Variants in PIK3R3 observed in about 807,000 individuals in gnomAD.
The protein encoded by PIK3R3 is phosphoinositide-3-kinase regulatory subunit 3.
In PIK3R3, 64 loss-of-function variants were observed where a neutral mutation model predicts 62.9. The observed-to-expected ratio is 1.02, with a 90% CI of 0.83 to 1.25. The LOEUF (loss-of-function observed/expected upper bound fraction) is 1.25. Ranked by LOEUF, PIK3R3 falls within the 50% of genes most tolerant of loss-of-function variation. The pLI is 0.00. For synonymous variants in PIK3R3, 165 were observed against 189.0 expected (o/e 0.87, Z 1.04); for missense variants, 614 against 561.6 (o/e 1.09, Z -0.94).
At chr1:46,169,524 G>A in the PIK3R3 span, among the ~76,000 whole-genome samples, 1 of 152,174 alleles carries the variant, frequency 6.6e-6, no homozygotes, top group Admixed American at 6.5e-5. Context: ...AATCCTAAAA[G>A]CTGCACTTAA....
chr1:46,073,897 G>A (rs1649783221), intron 3 of PIK3R3, among the ~76,000 whole-genome samples: 1 of 148,774 alleles, frequency 6.7e-6, no homozygotes, highest in South Asian at 2.2e-4. Flanking sequence ...GCCTCCCAAA[G>A]TGCTGGGATT....
the PIK3R3 span, among the ~76,000 whole-genome samples, chr1:46,140,881 G>A: frequency 1.3e-5 from 2 of 151,422 alleles, no homozygotes; most frequent in Non-Finnish European, 2.9e-5. Flanking sequence ...TTGTTTTTGA[G>A]ACAGAGTCTT....
chr1:46,132,814 T>A (rs1326038757), upstream of PIK3R3: 1 of 1,227,576 alleles, frequency 8.1e-7, no homozygotes, highest in Non-Finnish European at 1.0e-6. Context: ...GAGAACATGT[T>A]CAAAAAGCTG....
intron 1 of PIK3R3, among the ~76,000 whole-genome samples, chr1:46,089,298 G>A (rs1171564678): frequency 6.6e-6 from 1 of 152,082 alleles, no homozygotes; most frequent in Non-Finnish European, 1.5e-5. Context: ...AGTTTAGAGG[G>A]TATGTTTAAG....
chr1:46,073,174 G>C (rs1406776414), intron 3 of PIK3R3, among the ~76,000 whole-genome samples: 1 of 152,112 alleles, frequency 6.6e-6, no homozygotes, highest in East Asian at 1.9e-4. Flanking sequence ...AGGTCTACAT[G>C]AGTCAGACTA....
chr1:46,167,065 C>T, the PIK3R3 span, among the ~76,000 whole-genome samples: 1 of 152,260 alleles, frequency 6.6e-6, no homozygotes, highest in Non-Finnish European at 1.5e-5. Flanking sequence ...CTACCTGCTT[C>T]GCTCCCACCC....
chr1:46,173,447 C>A, the PIK3R3 span, among the ~76,000 whole-genome samples: 7 of 152,176 alleles, frequency 4.6e-5, no homozygotes, highest in Non-Finnish European at 7.3e-5. Context: ...TTGACTGACA[C>A]AGAGTTGCAG....
chr1:46,105,614 G>A (rs1215620088), intron 1 of PIK3R3, among the ~76,000 whole-genome samples: 1 of 151,998 alleles, frequency 6.6e-6, no homozygotes. Flanking sequence ...TCAGAAGTTC[G>A]AGACCAGTCT....
chr1:46,147,931 A>C, the PIK3R3 span, among the ~76,000 whole-genome samples: 2 of 152,238 alleles, frequency 1.3e-5, no homozygotes, highest in Non-Finnish European at 2.9e-5. Context: ...GGGAGTAAGA[A>C]AATTGACTTC....
chr1:46,049,957 T>C (rs951624504), intron 7 of PIK3R3, among the ~76,000 whole-genome samples: 1 of 151,634 alleles, frequency 6.6e-6, no homozygotes, highest in African/African-American at 2.4e-5. Context: ...CCGTTCCTAC[T>C]AAAAATACAA....
chr1:46,136,242 A>T (rs904756411), upstream of PIK3R3, among the ~76,000 whole-genome samples: 1 of 152,154 alleles, frequency 6.6e-6, no homozygotes, highest in African/African-American at 2.4e-5. Flanking sequence ...TTTAACAAAT[A>T]TGACTCCCAG....
At chr1:46,074,606 G>T (rs12094872) in intron 3 of PIK3R3, among the ~76,000 whole-genome samples, 2 of 150,988 alleles carry the variant, frequency 1.3e-5, no homozygotes, top group Non-Finnish European at 2.9e-5. Context: ...CAGCTGCCTA[G>T]AGGAAGGCCA....
chr1:46,087,203 C>A (rs928964595), intron 1 of PIK3R3, among the ~76,000 whole-genome samples: 2 of 151,736 alleles, frequency 1.3e-5, no homozygotes, highest in Non-Finnish European at 2.9e-5. Flanking sequence ...CAACATGGCA[C>A]ATGTATACAT....
At chr1:46,086,296 A>G (rs569167621) in intron 1 of PIK3R3, among the ~76,000 whole-genome samples, 38 of 152,300 alleles carry the variant, frequency 2.5e-4, no homozygotes, top group Non-Finnish European at 5.0e-4. Flanking sequence ...ATATGTTTTA[A>G]CAACAAAAAT....
At chr1:46,077,744 G>A in intron 2 of PIK3R3, 131 bp from the exon 3 acceptor site, 1 of 605,122 alleles carries the variant, frequency 1.7e-6, no homozygotes, top group Non-Finnish European at 3.0e-6. Context: ...TAGAATAACG[G>A]AGCCATTTAG....
chr1:46,107,107 A>G (rs1458379273), intron 1 of PIK3R3, among the ~76,000 whole-genome samples: 6 of 152,152 alleles, frequency 3.9e-5, no homozygotes, highest in African/African-American at 1.4e-4. Context: ...TGTAATCTCA[A>G]CACTTTGGGA....
At chr1:46,049,990 G>A (rs367666068) in intron 7 of PIK3R3, among the ~76,000 whole-genome samples, 13 of 151,612 alleles carry the variant, frequency 8.6e-5, no homozygotes, top group East Asian at 3.9e-4. Context: ...GCATGGTGGC[G>A]CACGCCTGTA....
chr1:46,151,314 C>G, the PIK3R3 span, among the ~76,000 whole-genome samples: 2 of 152,122 alleles, frequency 1.3e-5, no homozygotes, highest in East Asian at 1.9e-4. Context: ...TGGGTGCTTG[C>G]TACTTGTGAA....
chr1:46,118,159 A>G (rs1197705051), intron 1 of PIK3R3, among the ~76,000 whole-genome samples: 2 of 152,248 alleles, frequency 1.3e-5, no homozygotes, highest in Non-Finnish European at 1.5e-5. Flanking sequence ...TAGACTTATT[A>G]ATTATTAAAG....
Sources: allele counts gnomAD v4.1 joint callset (sites outside exome capture counted in the v4.1 genomes callset), GRCh38; gene constraint gnomAD v4.1.1; transcripts MANE v1.5; gene names NCBI Gene and HGNC (gene_info 2026-07-23, HGNC 2026-07-21).